The following NDRG1 variants were observed in gnomAD, a reference collection of about 807,000 sequenced individuals.
NDRG1 encodes N-myc downstream regulated 1.
Under a neutral mutation model 56.9 loss-of-function variants are expected in NDRG1, and 32 were observed. That is an observed-to-expected ratio of 0.56 (90% CI 0.42 to 0.76). NDRG1 has a LOEUF of 0.76. Ranked by LOEUF, NDRG1 falls within the 30% of genes least tolerant of loss-of-function variation. The pLI, the probability that NDRG1 is intolerant of heterozygous loss-of-function variation, is 0.00. For missense variants in NDRG1, 507 were observed against 545.7 expected, an observed-to-expected ratio of 0.93 and a Z score of 0.71; for synonymous variants, 211 against 204.1, an observed-to-expected ratio of 1.03 and a Z score of -0.29.
At chr8:133,244,271 A>AG in intron 14 of NDRG1, 84 bp downstream of exon 14, 1 of 1,493,458 alleles carries the variant, frequency 6.7e-7, no homozygotes, top group Non-Finnish European at 9.3e-7. Context: ...CAAGGTAATG[A>AG]GGGAACAGGT....
rs73348356 is a variant in NDRG1 at position 133,291,418 on chromosome 8, C to T, written c.-19+5716G>A. ...GCCCTGCCTTACTGTGGATACAATCCTTTGTCATTTCTTTGCCCAAAGAGA... is the reference window on the plus strand; with the variant it reads ...GCCCTGCCTTACTGTGGATACAATCTTTTGTCATTTCTTTGCCCAAAGAGA... On this transcript the variant is annotated intron_variant, in intron 1 of 15. Coordinates refer to ENST00000323851, the MANE Select transcript of NDRG1 (RefSeq NM_006096.4). Among the ~76,000 whole-genome samples the T allele has an allele frequency of 6.3e-3, 960 of 152,294 alleles. 11 individuals carry two copies. Among genetic ancestry groups the T allele is most frequent in the African/African-American group, 0.021 (890 of 41,546 alleles).
At chr8:133,290,639 G>T (rs1278883320) in intron 1 of NDRG1, among the ~76,000 whole-genome samples, 2 of 152,166 alleles carry the variant, frequency 1.3e-5, no homozygotes. Context: ...GTGACCATGA[G>T]GCTTTCAGCG....
At chr8:133,261,888 T>G (rs910624628) in intron 5 of NDRG1, among the ~76,000 whole-genome samples, 159 bp downstream of exon 5, 3 of 152,258 alleles carry the variant, frequency 2.0e-5, no homozygotes, top group Non-Finnish European at 4.4e-5. Context: ...GTGCTAACTT[T>G]TATGTTATGT....
chr8:133,251,921 A>G (rs1464247210), intron 9 of NDRG1, among the ~76,000 whole-genome samples: 1 of 152,216 alleles, frequency 6.6e-6, no homozygotes, highest in Non-Finnish European at 1.5e-5. Flanking sequence ...GACCATGTGA[A>G]GACAGAGGCA....
chr8:133,264,079 C>CA (rs980993132), intron 4 of NDRG1, among the ~76,000 whole-genome samples: 3 of 151,464 alleles, frequency 2.0e-5, no homozygotes, highest in South Asian at 2.1e-4. Context: ...AGCCAGTTAC[C>CA]AAAAAAAAAT....
In NDRG1 at chr8:133,280,319, A is replaced by G. The variant is rs778646803; in HGVS notation, c.64-52T>C. Reference sequence around the variant, plus strand: ...ATTTCATCTGTTTTCTCTGTAAGAGAAATAATATTGGGACATATGGGCCTT... The same window carrying G: ...ATTTCATCTGTTTTCTCTGTAAGAGGAATAATATTGGGACATATGGGCCTT... On this transcript the variant is annotated intron_variant, in intron 2 of 15. Transcript: ENST00000323851. 439 of 1,586,122 alleles carry G rather than the reference A, an allele frequency of 2.8e-4. 3 individuals carry two copies. The highest frequency in any genetic ancestry group is 1.5e-3 in the Middle Eastern group (9 of 6,014).
chr8:133,286,544 A>G (rs1858122913), intron 1 of NDRG1, among the ~76,000 whole-genome samples: 1 of 152,130 alleles, frequency 6.6e-6, no homozygotes. Flanking sequence ...ACATGAGGCA[A>G]TGGGTTAAAA....
At chr8:133,243,719 A>G (rs1480897264) in intron 14 of NDRG1, among the ~76,000 whole-genome samples, 1 of 152,258 alleles carries the variant, frequency 6.6e-6, no homozygotes, top group East Asian at 1.9e-4. Flanking sequence ...TGGATAAAAA[A>G]GATGACAAAA....
intron 9 of NDRG1, among the ~76,000 whole-genome samples, chr8:133,253,467 A>G (rs112276119): frequency 3.9e-5 from 6 of 152,318 alleles, no homozygotes; most frequent in African/African-American, 1.4e-4. Context: ...AGAATTTATC[A>G]CACAGGTCAC....
chr8:133,297,221 C>T lies in NDRG1; in HGVS notation c.-106G>A, dbSNP rs1364870752. 1 of 152,250 alleles carries T rather than the reference C, an allele frequency of 6.6e-6. No individual in the cohort carries two copies. The highest frequency in any genetic ancestry group is 1.5e-5 in the Non-Finnish European group (1 of 68,082). 9.4% of individuals were successfully genotyped at this position (152,250 alleles called of 1,614,324 possible). On this transcript the variant is annotated 5_prime_UTR_variant, in exon 1 of 16. Transcript: ENST00000323851. The stretch of plus-strand genomic sequence containing the variant: ...CGAGGGCGGATGGTGAACTGACGAG[C>T]TTCAGCACCAGCTGGGAGCCAGGCG...
intron 1 of NDRG1, among the ~76,000 whole-genome samples, chr8:133,286,771 A>T (rs1391404357): frequency 2.0e-5 from 3 of 152,152 alleles, no homozygotes; most frequent in Non-Finnish European, 4.4e-5. Context: ...TTGTCCCCCA[A>T]ATGATTCCAT....
intron 13 of NDRG1, among the ~76,000 whole-genome samples, chr8:133,245,112 G>A (rs1564281032): frequency 6.6e-6 from 1 of 152,176 alleles, no homozygotes; most frequent in African/African-American, 2.4e-5. Flanking sequence ...GCCACAAAGC[G>A]ACACTGACCT....
Position 133,237,246 on chromosome 8 carries a change from T to G in NDRG1, c.*1632A>C, listed in dbSNP as rs1375788489. ...ATTAAGAAACTCCTCTGGAAAGACT[T>G]GTGCACAATAGTTTCCCATCCGTAC... On this transcript the variant is annotated 3_prime_UTR_variant, in exon 16 of 16. Coordinates refer to ENST00000323851, the MANE Select transcript of NDRG1 (RefSeq NM_006096.4). 1 of 228,630 alleles carries G rather than the reference T, an allele frequency of 4.4e-6. No individual in the cohort carries two copies. Among genetic ancestry groups the G allele is most frequent in the Non-Finnish European group, 8.7e-6 (1 of 115,254 alleles). The allele number at this position is 228,630 out of a possible 1,614,324, so 14.2% of individuals were successfully genotyped here. A position where few individuals can be genotyped will look rare whatever the true frequency, so the allele number is the denominator to read the frequency against.
intron 11 of NDRG1, 26 bp downstream of exon 11, chr8:133,248,689 T>C (rs761182697): frequency 2.5e-6 from 4 of 1,613,806 alleles, no homozygotes; most frequent in Admixed American, 1.7e-5. Flanking sequence ...CGACTGCAAG[T>C]GCTGGGGGAG....
intron 3 of NDRG1, among the ~76,000 whole-genome samples, chr8:133,279,486 T>G (rs1857657271): frequency 6.6e-6 from 1 of 152,170 alleles, no homozygotes; most frequent in South Asian, 2.1e-4. Flanking sequence ...GGTCCCAAAC[T>G]GGGGACACCT....
chr8:133,246,483 G>T, intron 13 of NDRG1, 133 bp downstream of exon 13: 2 of 986,346 alleles, frequency 2.0e-6, no homozygotes, highest in South Asian at 1.3e-5. Flanking sequence ...TTCATAAACA[G>T]ATAGATTAAA....
chr8:133,269,439 G>A (rs1857079759), intron 3 of NDRG1, among the ~76,000 whole-genome samples: 1 of 152,216 alleles, frequency 6.6e-6, no homozygotes, highest in Non-Finnish European at 1.5e-5. Context: ...GTGATGGCAG[G>A]GATGGGGGCA....
chr8:133,275,507 C>T (rs902957115), intron 3 of NDRG1, among the ~76,000 whole-genome samples: 7 of 152,108 alleles, frequency 4.6e-5, no homozygotes, highest in Non-Finnish European at 8.8e-5. Flanking sequence ...CTCTTTGTCA[C>T]GTGACTGGCT....
intron 1 of NDRG1, among the ~76,000 whole-genome samples, chr8:133,292,889 G>A (rs1397260620): frequency 1.3e-5 from 2 of 152,212 alleles, no homozygotes; most frequent in African/African-American, 4.8e-5. Context: ...CAGCTCAGTT[G>A]CAAGAAAACC....
Sources: allele counts gnomAD v4.1 joint callset (sites outside exome capture counted in the v4.1 genomes callset), GRCh38; gene constraint gnomAD v4.1.1; transcripts MANE v1.5; gene names NCBI Gene and HGNC (gene_info 2026-07-23, HGNC 2026-07-21).